SMARCE1: variants seen among roughly 807,000 people sequenced by gnomAD.
SMARCE1 encodes SWI/SNF related BAF chromatin remodeling complex subunit E1, also known as SWI/SNF-related matrix-associated actin-dependent regulator of chromatin subfamily E member 1.
Under a neutral mutation model 54.9 loss-of-function variants are expected in SMARCE1, and 13 were observed. The observed-to-expected ratio is 0.24, with a 90% CI of 0.15 to 0.38. The LOEUF is 0.38. Ranked by LOEUF, SMARCE1 falls within the 10% of genes least tolerant of loss-of-function variation. The probability of loss-of-function intolerance (pLI) is 1.00; values close to 1 mark genes in which losing one functional copy is unlikely to be tolerated. For missense variants in SMARCE1, 295 were observed against 523.8 expected, an observed-to-expected ratio of 0.56 and a Z score of 4.26; for synonymous variants, 151 against 175.3, an observed-to-expected ratio of 0.86 and a Z score of 1.10.
At chr17:40,643,162 T>G (rs1013107373) in intron 3 of SMARCE1, 1 of 152,242 alleles carries the variant, frequency 6.6e-6, no homozygotes, top group African/African-American at 2.4e-5. Flanking sequence ...TTGGATTTGA[T>G]GGATGTCACA....
rs1401350627 is a variant in SMARCE1, at chr17:40,627,709, CTTT to C, written c.*1073_*1075del. 1 of 84,776 alleles carries C rather than the reference CTTT, an allele frequency of 1.2e-5. No individual in the cohort carries two copies. Among genetic ancestry groups the C allele is most frequent in the East Asian group, 4.1e-4 (1 of 2,462 alleles). 5.3% of individuals were successfully genotyped at this position (84,776 alleles called of 1,614,324 possible). A position where few individuals can be genotyped will look rare whatever the true frequency, so the allele number is the denominator to read the frequency against. On this transcript the variant is annotated 3_prime_UTR_variant, in exon 11 of 11. Coordinates refer to ENST00000348513, the MANE Select transcript of SMARCE1 (RefSeq NM_003079.5). ...TGTAGTGCATTAAAAACACTGAGAC[CTTT>C]TTTTCATTTTTTTTTTTATTACATT...
At chr17:40,637,182 T>C (rs1192814231) in intron 5 of SMARCE1, 9 of 308,748 alleles carry the variant, frequency 2.9e-5, no homozygotes, top group Non-Finnish European at 4.9e-5. Context: ...TATTAATTCA[T>C]GTAGTCTTGC....
In SMARCE1 at chr17:40,627,414, C is replaced by T. The variant is rs370485421; in HGVS notation, c.*1371G>A. The T allele has an allele frequency of 5.9e-5, 9 of 152,192 alleles. No homozygotes were observed. Among genetic ancestry groups the T allele is most frequent in the African/African-American group, 1.7e-4 (7 of 41,442 alleles). 9.4% of individuals were successfully genotyped at this position (152,192 alleles called of 1,614,324 possible). On this transcript the variant is annotated 3_prime_UTR_variant, in exon 11 of 11. Coordinates refer to ENST00000348513, the MANE Select transcript of SMARCE1 (RefSeq NM_003079.5). ...GCCATTCTTTCAAAGATAATTCAAA[C>T]GTTACAGATTTCTCCATATTCCTGT...
intron 3 of SMARCE1, 133 bp downstream of exon 3, chr17:40,645,442 GC>G (rs1027101285): frequency 9.4e-6 from 5 of 532,160 alleles, no homozygotes; most frequent in Non-Finnish European, 1.7e-5. Context: ...AGTAGGAAGT[GC>G]TTTTTTTTTT....
At position 40,642,035 on chromosome 17, in the gene SMARCE1, A is replaced by G. The variant is rs747663667; in HGVS notation, c.156+420T>C. 77 of 236,296 alleles carry G rather than the reference A, an allele frequency of 3.3e-4. No homozygotes were observed. The highest frequency in any genetic ancestry group is 5.1e-4 in the Non-Finnish European group (64 of 124,750). 14.6% of individuals were successfully genotyped at this position (236,296 alleles called of 1,614,324 possible). A position where few individuals can be genotyped will look rare whatever the true frequency, so the allele number is the denominator to read the frequency against. On this transcript the variant is annotated intron_variant, in intron 4 of 10. Coordinates refer to ENST00000348513, the MANE Select transcript of SMARCE1 (RefSeq NM_003079.5). This position sits in a 1 kb window ranked among gnomAD's most constrained non-coding sequence, Gnocchi z 4.6. Reference sequence around the variant, plus strand: ...AGCGATTCAAACTGGTGTACCAGCCAAAAGCTTTCCAGCCCTGAAAAAGCC... The same window carrying G: ...AGCGATTCAAACTGGTGTACCAGCCGAAAGCTTTCCAGCCCTGAAAAAGCC...
Position 40,627,069 on chromosome 17 carries a change from C to T in SMARCE1, c.*1716G>A, listed in dbSNP as rs891002156. On this transcript the variant is annotated 3_prime_UTR_variant, in exon 11 of 11. Transcript: ENST00000348513. ...CACCCATATTAAACTACATCTGCCC[C>T]ATTTTGACTACTAGAAAATGTATCA... 5.9e-5 allele frequency: 9 copies of T among 152,142 alleles called. No individual in the cohort carries two copies. The highest frequency in any genetic ancestry group is 2.2e-4 in the African/African-American group (9 of 41,420). 9.4% of individuals were successfully genotyped at this position (152,142 alleles called of 1,614,324 possible). A position where few individuals can be genotyped will look rare whatever the true frequency, so the allele number is the denominator to read the frequency against.
At position 40,626,216 on chromosome 17, in the gene SMARCE1, C is replaced by T. The variant is rs1567843751; in HGVS notation, c.*2569G>A. The T allele has an allele frequency of 6.6e-6, 1 of 151,750 alleles. No individual in the cohort carries two copies. Among genetic ancestry groups the T allele is most frequent in the African/African-American group, 2.4e-5 (1 of 41,298 alleles). 9.4% of individuals were successfully genotyped at this position (151,750 alleles called of 1,614,324 possible). On this transcript the variant is annotated 3_prime_UTR_variant, in exon 11 of 11. Transcript: ENST00000348513. The stretch of plus-strand genomic sequence containing the variant: ...CACTCCAGCCTGGGCAACAGTCAGA[C>T]TGTCTCAAAAAAAAAGGAAAATTGG...
At chr17:40,632,423 G>T in intron 7 of SMARCE1, 56 bp from the exon 8 acceptor site, 1 of 1,490,466 alleles carries the variant, frequency 6.7e-7, no homozygotes, top group Non-Finnish European at 9.3e-7. Context: ...AAAAAGGAGT[G>T]TAACAATGTT....
In SMARCE1 at chr17:40,637,366, G is replaced by A. The variant is rs1384717348; in HGVS notation, c.237+126C>T. ...ATCAGAACTAATTGCTTTAAAAACC[G>A]TATTTTTTTGGACCTTTCCTCTGAA... On this transcript the variant is annotated intron_variant, in intron 5 of 10. Transcript: ENST00000348513. 3.1e-5 allele frequency: 24 copies of A among 777,568 alleles called. No homozygotes were observed. In the East Asian group the frequency reaches 4.6e-4, roughly 15 times the overall value. The allele number at this position is 777,568 out of a possible 1,614,324, so 48.2% of individuals were successfully genotyped here.
At chr17:40,647,181 T>C (rs1292335487) in intron 1 of SMARCE1, 1 of 152,222 alleles carries the variant, frequency 6.6e-6, no homozygotes, top group African/African-American at 2.4e-5. Flanking sequence ...CGATAAATAT[T>C]TGTTCAAGAA....
intron 1 of SMARCE1, among the ~76,000 whole-genome samples, chr17:40,646,749 A>G (rs964606020): frequency 4.6e-5 from 7 of 152,234 alleles, no homozygotes; most frequent in Non-Finnish European, 1.0e-4. Flanking sequence ...GAAAGAAGGC[A>G]AATAAACTTC....
chr17:40,636,217 T>TTA, intron 6 of SMARCE1, 115 bp from the exon 7 acceptor site: 2 of 1,195,136 alleles, frequency 1.7e-6, no homozygotes, highest in Non-Finnish European at 2.4e-6. Context: ...GTTGGGATAA[T>TTA]TATCTCCTTT....
chr17:40,633,695 TTTTGTAAA>T (rs1470856664), intron 7 of SMARCE1: 2 of 152,230 alleles, frequency 1.3e-5, no homozygotes, highest in African/African-American at 4.8e-5. Context: ...AAACTGTTGT[TTTTGTAAA>T]AAGTTAAAAA....
chr17:40,639,800 T>A (rs2037180094), intron 4 of SMARCE1, among the ~76,000 whole-genome samples: 1 of 152,216 alleles, frequency 6.6e-6, no homozygotes, highest in Non-Finnish European at 1.5e-5. Context: ...AAGCTGAACA[T>A]ACTTTAGACC....
intron 10 of SMARCE1, chr17:40,629,228 A>G: frequency 3.8e-6 from 2 of 525,744 alleles, no homozygotes; most frequent in Non-Finnish European, 6.7e-6. Flanking sequence ...CAGATCAAAT[A>G]CTTCCGATGA....
intron 10 of SMARCE1, chr17:40,629,456 G>A (rs904617483): frequency 9.9e-6 from 9 of 911,264 alleles, no homozygotes; most frequent in Non-Finnish European, 1.2e-5. Flanking sequence ...CTGTTGGACA[G>A]TGAATGAGAG....
At chr17:40,645,657 TGA>T in intron 2 of SMARCE1, 38 bp from the exon 3 acceptor site, 1 of 1,436,878 alleles carries the variant, frequency 7.0e-7, no homozygotes, top group Non-Finnish European at 9.5e-7. Flanking sequence ...TGTAAACAAC[TGA>T]GATATAATAC....
At chr17:40,643,444 T>C (rs1386006418) in intron 3 of SMARCE1, 2 of 152,230 alleles carry the variant, frequency 1.3e-5, no homozygotes, top group African/African-American at 4.8e-5. Flanking sequence ...CCCTTGGTTT[T>C]TGTGAATTAT....
At chr17:40,638,869 G>C (rs536700583) in intron 4 of SMARCE1, among the ~76,000 whole-genome samples, 2 of 152,186 alleles carry the variant, frequency 1.3e-5, no homozygotes, top group East Asian at 3.9e-4. Flanking sequence ...CTCCACTCTG[G>C]GCTGGGACCC....
Sources: gnomAD v4.1 joint callset for allele counts (sites outside exome capture counted in the v4.1 genomes callset) on GRCh38, gnomAD v4.1.1 for gene constraint, Gnocchi (gnomAD v3.1) non-coding constraint, MANE v1.5 for transcripts, NCBI Gene and HGNC (gene_info 2026-07-23, HGNC 2026-07-21) for gene names.